The following SNTG1 variants were observed in gnomAD, a reference collection of about 807,000 sequenced individuals.
SNTG1 encodes the protein syntrophin gamma 1.
SNTG1 carries 39 observed loss-of-function variants against 74.7 expected under a neutral mutation model. The ratio of observed to expected loss-of-function variants is 0.52; its 90% CI spans 0.40 to 0.68. The LOEUF (loss-of-function observed/expected upper bound fraction) is 0.68, where lower values mean the gene tolerates loss of function less well. Ranked by LOEUF, SNTG1 falls within the 30% of genes least tolerant of loss-of-function variation. The pLI, the probability that SNTG1 is intolerant of heterozygous loss-of-function variation, is 0.00. For synonymous variants in SNTG1, 254 were observed against 217.1 expected (o/e 1.17, Z -1.49); for missense variants, 685 against 609.5 (o/e 1.12, Z -1.30).
At chr8:50,415,626 A>C (rs761125371) in intron 4 of SNTG1, among the ~76,000 whole-genome samples, 1 of 152,142 alleles carries the variant, frequency 6.6e-6, no homozygotes. Context: ...TCTCCAAGCC[A>C]GTAAAAGTTC....
intron 1 of SNTG1, among the ~76,000 whole-genome samples, chr8:49,937,080 C>T (rs1000677815): frequency 3.3e-5 from 5 of 152,138 alleles, no homozygotes; most frequent in Non-Finnish European, 5.9e-5. Flanking sequence ...ACCCGGGAGG[C>T]GGAGGTTGCA....
intron 2 of SNTG1, among the ~76,000 whole-genome samples, chr8:50,287,688 C>G (rs1269651349): frequency 6.6e-6 from 1 of 152,174 alleles, no homozygotes; most frequent in Non-Finnish European, 1.5e-5. Context: ...CCACTGGATC[C>G]ATCTTCCACA....
intron 8 of SNTG1, among the ~76,000 whole-genome samples, chr8:50,496,551 G>A (rs750124006): frequency 6.6e-6 from 1 of 152,102 alleles, no homozygotes; most frequent in Non-Finnish European, 1.5e-5. Context: ...ACCAGAAAGG[G>A]CAAAGAACCA....
chr8:49,985,480 A>C (rs1813072024), intron 1 of SNTG1, among the ~76,000 whole-genome samples: 1 of 152,348 alleles, frequency 6.6e-6, no homozygotes, highest in South Asian at 2.1e-4. Context: ...ATTTCTTATT[A>C]TCTCTGGAGA....
intron 1 of SNTG1, among the ~76,000 whole-genome samples, chr8:49,925,549 A>G (rs1806947921): frequency 1.3e-5 from 2 of 152,280 alleles, no homozygotes; most frequent in South Asian, 4.1e-4. Context: ...CAAGATATAC[A>G]ACTGTTTTAG....
At chr8:49,947,695 G>T (rs1013663998) in intron 1 of SNTG1, among the ~76,000 whole-genome samples, 1 of 152,152 alleles carries the variant, frequency 6.6e-6, no homozygotes, top group African/African-American at 2.4e-5. Flanking sequence ...GAGTGACTTT[G>T]TGTAATTGTA....
chr8:50,442,546 G>C (rs897556490), intron 5 of SNTG1, among the ~76,000 whole-genome samples: 2 of 152,004 alleles, frequency 1.3e-5, no homozygotes. Flanking sequence ...CACTCCTGCT[G>C]TAACTTTTGG....
At chr8:50,443,327 T>C (rs1282372478) in intron 5 of SNTG1, among the ~76,000 whole-genome samples, 1 of 152,200 alleles carries the variant, frequency 6.6e-6, no homozygotes, top group Non-Finnish European at 1.5e-5. Flanking sequence ...TTACTATAAA[T>C]ATATTTTATG....
At chr8:50,026,700 CGTGTGTGTGT>C (rs145360652) in intron 1 of SNTG1, among the ~76,000 whole-genome samples, 1 of 149,866 alleles carries the variant, frequency 6.7e-6, no homozygotes. Flanking sequence ...TTTGTGTGTA[CGTGTGTGTGT>C]GTGTGTGTAT....
intron 17 of SNTG1, among the ~76,000 whole-genome samples, chr8:50,750,791 C>T (rs1008207636): frequency 1.3e-5 from 2 of 151,920 alleles, no homozygotes. Flanking sequence ...AAACAAACAT[C>T]ACTTTTATAT....
Position 49,913,879 on chromosome 8 carries a change from CCT to C in SNTG1, c.-103+1651_-103+1652del, listed in dbSNP as rs72134473. 3.2e-3 allele frequency among the ~76,000 whole-genome samples: 490 copies of C among 152,270 alleles called. 8 individuals carry two copies. Among genetic ancestry groups the C allele is most frequent in the Admixed American group, 0.021 (322 of 15,294 alleles). On this transcript the variant is annotated intron_variant, in intron 1 of 18. Transcript: ENST00000642720. ...CAGAGAATGTGTTTCAAGAAGCACTCCTCTGTGTATATGGCCGCAGTTCCCTC... is the reference window on the plus strand; with the variant it reads ...CAGAGAATGTGTTTCAAGAAGCACTCCTGTGTATATGGCCGCAGTTCCCTC...
intron 2 of SNTG1, among the ~76,000 whole-genome samples, chr8:50,251,946 A>G (rs2129908560): frequency 6.6e-6 from 1 of 152,284 alleles, no homozygotes; most frequent in South Asian, 2.1e-4. Flanking sequence ...TCTCGAGGGT[A>G]GATTACATAT....
chr8:50,141,922 T>C (rs1178680200), intron 1 of SNTG1, among the ~76,000 whole-genome samples: 1 of 152,106 alleles, frequency 6.6e-6, no homozygotes, highest in Non-Finnish European at 1.5e-5. Context: ...GTTTCATTAT[T>C]TGTCATCCTT....
At chr8:50,208,767 A>T (rs1172260104) in intron 2 of SNTG1, among the ~76,000 whole-genome samples, 1 of 152,140 alleles carries the variant, frequency 6.6e-6, no homozygotes, top group Non-Finnish European at 1.5e-5. Context: ...GTGGTGACAA[A>T]ATCTCTCAGC....
intron 1 of SNTG1, among the ~76,000 whole-genome samples, chr8:49,927,576 CATATT>C (rs1474647340): frequency 6.6e-6 from 1 of 152,018 alleles, no homozygotes; most frequent in Admixed American, 6.6e-5. Flanking sequence ...AGAAAGGCTA[CATATT>C]ATATTATTCC....
chr8:50,557,777 T>C (rs1454511322), intron 12 of SNTG1, among the ~76,000 whole-genome samples: 1 of 152,222 alleles, frequency 6.6e-6, no homozygotes, highest in East Asian at 1.9e-4. Flanking sequence ...ATTTTTGGCC[T>C]ACCACAAGAA....
chr8:50,272,323 T>G (rs899231574), intron 2 of SNTG1, among the ~76,000 whole-genome samples: 3 of 152,184 alleles, frequency 2.0e-5, no homozygotes, highest in African/African-American at 7.2e-5. Flanking sequence ...ACAGTTCAAG[T>G]GTCAAAGTGA....
At chr8:50,278,598 T>G (rs950896774) in intron 2 of SNTG1, among the ~76,000 whole-genome samples, 1 of 152,134 alleles carries the variant, frequency 6.6e-6, no homozygotes, top group Admixed American at 6.6e-5. Flanking sequence ...GTGACCCCTT[T>G]TAGTATTCTC....
At chr8:49,966,631 A>G (rs980509447) in intron 1 of SNTG1, among the ~76,000 whole-genome samples, 1 of 151,972 alleles carries the variant, frequency 6.6e-6, no homozygotes, top group Non-Finnish European at 1.5e-5. Context: ...CTGACCTCAA[A>G]TGATCCATCC....
Sources: gnomAD v4.1 joint callset for allele counts (sites outside exome capture counted in the v4.1 genomes callset) on GRCh38, gnomAD v4.1.1 for gene constraint, MANE v1.5 for transcripts, NCBI Gene and HGNC (gene_info 2026-07-23, HGNC 2026-07-21) for gene names.